PAX8: variants seen among roughly 807,000 people sequenced by gnomAD.
The protein encoded by PAX8 is paired box 8, also known as paired box protein Pax-8.
Under a neutral mutation model 52.4 loss-of-function variants are expected in PAX8, and 15 were observed. The ratio of observed to expected loss-of-function variants is 0.29; its 90% confidence interval spans 0.19 to 0.44. PAX8 has a LOEUF of 0.44. Ranked by LOEUF, PAX8 falls within the 20% of genes least tolerant of loss-of-function variation. The pLI, the probability that PAX8 is intolerant of heterozygous loss-of-function variation, is 1.00. For synonymous variants in PAX8, 284 were observed against 249.7 expected, an observed-to-expected ratio of 1.14 and a Z score of -1.29; for missense variants, 554 against 602.5, an observed-to-expected ratio of 0.92 and a Z score of 0.84.
intron 3 of PAX8, among the ~76,000 whole-genome samples, chr2:113,245,694 C>G (rs1464067955): frequency 6.6e-6 from 1 of 152,296 alleles, no homozygotes; most frequent in African/African-American, 2.4e-5. Context: ...TGTAGAAACT[C>G]TCTGCTCTCA....
chr2:113,276,900 C>G (rs535077242), intron 2 of PAX8, among the ~76,000 whole-genome samples: 3 of 151,558 alleles, frequency 2.0e-5, no homozygotes, highest in Non-Finnish European at 4.4e-5. Flanking sequence ...GGCATGGGCA[C>G]CGGGCACTGC....
rs534469319 is a variant in PAX8, at chr2:113,272,955, T to C, written c.25+5415A>G. On this transcript the variant is annotated intron_variant, in intron 2 of 11. Transcript: ENST00000429538. ...AAACAAAAGCAAAACTAATCTGCAG[T>C]CTTGAAGGTGGGCTCATTCATTCCC... The C allele has an allele frequency of 1.5e-4, 23 of 152,262 alleles. 1 individual carries two copies. The highest frequency in any genetic ancestry group is 5.1e-4 in the African/African-American group (21 of 41,538). The allele number at this position is 152,262 out of a possible 1,614,324, so 9.4% of individuals were successfully genotyped here.
chr2:113,234,008 G>A (rs375657883), intron 9 of PAX8, among the ~76,000 whole-genome samples: 1 of 152,200 alleles, frequency 6.6e-6, no homozygotes, highest in African/African-American at 2.4e-5. Flanking sequence ...TTTCAAGGTC[G>A]TCGGGGTAGG....
Position 113,241,642 on chromosome 2 carries a change from C to T in PAX8, c.686G>A (p.Ser229Asn). ...PRKHLRTDAF[S>N]QHHLEPLECP... ...CTCGAGCGGCTCGAGGTGGTGCTGG[C>T]TGAAGGCATCCGTGCGAAGGTGCTT... is the stretch of plus-strand genomic sequence containing the variant. Residue 229 changes from serine (S) to asparagine (N), a missense_variant, in exon 7 of 12, where the codon AGC becomes AAC. By Grantham distance (46) the Ser-to-Asn change is conservative. This residue lies in a region of PAX8 where 445 missense variants were observed against 409.9 expected (regional missense o/e 1.09). Transcript: ENST00000429538. The T allele has an allele frequency of 6.2e-7, 1 of 1,614,104 alleles. No individual in the cohort carries two copies. The highest frequency in any genetic ancestry group is 8.5e-7 in the Non-Finnish European group (1 of 1,180,018).
intron 10 of PAX8, chr2:113,225,501 G>A (rs1689508035): frequency 6.6e-6 from 1 of 152,206 alleles, no homozygotes; most frequent in Admixed American, 6.5e-5. Flanking sequence ...TGATTTTCAT[G>A]GAACTCACTG....
At chr2:113,249,317 G>A (rs1392304385) in intron 2 of PAX8, among the ~76,000 whole-genome samples, 1 of 152,186 alleles carries the variant, frequency 6.6e-6, no homozygotes, top group Non-Finnish European at 1.5e-5. Flanking sequence ...CATCATTGTT[G>A]CCTTCCGGCT....
chr2:113,241,555 T>C lies in PAX8; in HGVS notation c.773A>G (p.Glu258Gly), dbSNP rs1690844148. 1 of 1,608,596 alleles carries C rather than the reference T, an allele frequency of 6.2e-7. No individual in the cohort carries two copies. The highest frequency in any genetic ancestry group is 1.3e-5 in the African/African-American group (1 of 74,900). ...AYASPSHTKG[E>G]QGLYPLPLLN... ...TCCCAGGGCCCAGCTTCTCACCTGC[T>C]CGCCTTTGGTGTGGCTGGGGGAGGC... The change falls in exon 7 of 12, where the codon GAG becomes GGG. Residue 258 changes from glutamate to glycine, a missense_variant. Transcript: ENST00000429538.
At chr2:113,274,871 C>T (rs1287306432) in intron 2 of PAX8, 1 of 152,176 alleles carries the variant, frequency 6.6e-6, no homozygotes, top group South Asian at 2.1e-4. Flanking sequence ...TATAAAGGGC[C>T]GTTGAGTGTA....
intron 7 of PAX8, chr2:113,240,758 A>G (rs1558710951): frequency 6.5e-6 from 1 of 153,126 alleles, no homozygotes; most frequent in Non-Finnish European, 1.5e-5. Context: ...CATTCACTAT[A>G]CCATTACTGT....
Position 113,218,061 on chromosome 2 carries a change from G to A in PAX8, c.*472C>T, listed in dbSNP as rs149552415. The A allele has an allele frequency of 3.4e-5, 8 of 234,328 alleles. No individual in the cohort carries two copies. Among genetic ancestry groups the A allele is most frequent in the Non-Finnish European group, 5.9e-5 (7 of 118,832 alleles). 14.5% of individuals were successfully genotyped at this position (234,328 alleles called of 1,614,324 possible). On this transcript the variant is annotated 3_prime_UTR_variant, in exon 12 of 12. Coordinates refer to ENST00000429538, the MANE Select transcript of PAX8 (RefSeq NM_003466.4). ...TGACTCCCTGGGTGGCTGGTGAGGA[G>A]AGCCTCGGCACCAGGCTGTGACTTG...
intron 7 of PAX8, chr2:113,239,985 G>A (rs1379123757): frequency 6.6e-6 from 1 of 152,232 alleles, no homozygotes; most frequent in Non-Finnish European, 1.5e-5. Flanking sequence ...AGCATGGCAT[G>A]GGGGTGCTCT....
intron 2 of PAX8, among the ~76,000 whole-genome samples, chr2:113,264,223 A>G (rs900402578): frequency 7.2e-5 from 11 of 152,096 alleles, no homozygotes; most frequent in African/African-American, 2.4e-4. Context: ...CCCAGTGCCC[A>G]TTGCTGCTCA....
intron 9 of PAX8, among the ~76,000 whole-genome samples, chr2:113,228,594 C>T (rs1168290688): frequency 1.3e-5 from 2 of 152,250 alleles, no homozygotes; most frequent in African/African-American, 4.8e-5. Context: ...CATATGTCCT[C>T]AGCAGGAGGT....
intron 7 of PAX8, 87 bp downstream of exon 7, chr2:113,241,463 TG>T: frequency 7.4e-7 from 1 of 1,343,234 alleles, no homozygotes; most frequent in Non-Finnish European, 1.0e-6. Flanking sequence ...AACTTCCAGC[TG>T]CTTTGATGGA....
intron 5 of PAX8, among the ~76,000 whole-genome samples, 172 bp downstream of exon 5, chr2:113,242,518 G>A (rs564102108): frequency 6.6e-6 from 1 of 152,284 alleles, no homozygotes; most frequent in South Asian, 2.1e-4. Flanking sequence ...CCTGGGAACA[G>A]GCCAGACTTC....
At chr2:113,260,837 T>G (rs769201424) in intron 2 of PAX8, among the ~76,000 whole-genome samples, 7 of 151,914 alleles carry the variant, frequency 4.6e-5, no homozygotes, top group Non-Finnish European at 1.0e-4. Flanking sequence ...GGCTTTAGCC[T>G]GAATTAGGGC....
chr2:113,237,097 A>G (rs1416999699), intron 7 of PAX8: 1 of 194,924 alleles, frequency 5.1e-6, no homozygotes, highest in Non-Finnish European at 1.0e-5. Context: ...GGGTCCTTGC[A>G]TCTGTTAATT....
intron 2 of PAX8, among the ~76,000 whole-genome samples, chr2:113,260,511 A>G: frequency 6.6e-6 from 1 of 152,066 alleles, no homozygotes; most frequent in South Asian, 2.1e-4. Flanking sequence ...GGAGGGAAAT[A>G]GAGGGATGGT....
Position 113,235,362 on chromosome 2 carries a change from A to G in PAX8, c.1087+32T>C, listed in dbSNP as rs1286862297. The G allele has an allele frequency of 3.9e-6, 6 of 1,537,356 alleles. No individual in the cohort carries two copies. In the East Asian group the frequency reaches 7.3e-5, roughly 19 times the overall value. On this transcript the variant is annotated intron_variant, in intron 9 of 11. Coordinates refer to ENST00000429538, the MANE Select transcript of PAX8 (RefSeq NM_003466.4). Reference sequence around the variant, plus strand: ...GGACCCCCGTCCCACCCGCCGCCATAGCTGCATGGCCCCGGGACCTCCCTG... The same window carrying G: ...GGACCCCCGTCCCACCCGCCGCCATGGCTGCATGGCCCCGGGACCTCCCTG...
Sources: allele counts gnomAD v4.1 joint callset (sites outside exome capture counted in the v4.1 genomes callset), GRCh38; gene constraint gnomAD v4.1.1; regional missense constraint gnomAD v4.1.1; transcripts MANE v1.5; gene names NCBI Gene and HGNC (gene_info 2026-07-23, HGNC 2026-07-21).